The following MYO9A variants were observed in gnomAD, a reference collection of about 807,000 sequenced individuals.
MYO9A encodes myosin IXA, also known as unconventional myosin-IXa.
In MYO9A, 103 loss-of-function variants were observed where a neutral mutation model predicts 293.3. The ratio of observed to expected loss-of-function variants is 0.35; its 90% confidence interval spans 0.30 to 0.41. The LOEUF is 0.41. Among genes scored for constraint, MYO9A ranks in the 10% least tolerant of loss-of-function variants. MYO9A has a pLI of 1.00. For synonymous variants in MYO9A, 1,001 were observed against 1,035.7 expected (o/e 0.97, Z 0.64); for missense variants, 2,685 against 3,033.0 (o/e 0.89, Z 2.69).
chr15:72,081,528 C>T (rs1419767126), intron 1 of MYO9A, among the ~76,000 whole-genome samples: 1 of 152,024 alleles, frequency 6.6e-6, no homozygotes, highest in African/African-American at 2.4e-5. Flanking sequence ...GTTTCTTTTG[C>T]TGTGCAGAAG....
intron 13 of MYO9A, 128 bp downstream of exon 13, chr15:71,967,856 A>T: frequency 1.1e-6 from 1 of 894,748 alleles, no homozygotes; most frequent in South Asian, 3.5e-5. Context: ...TTTTAGTAGT[A>T]TCTTTATACA....
rs766724336 is a variant in MYO9A, at chr15:71,878,027, A to G, written c.5931+13T>C. Reference sequence around the variant, plus strand: ...ATTAAATCCTTTAAGTAATCAAAATATATCACATTTACCTTTGTGGCTGTG... The same window carrying G: ...ATTAAATCCTTTAAGTAATCAAAATGTATCACATTTACCTTTGTGGCTGTG... On this transcript the variant is annotated intron_variant, in intron 31 of 41. Coordinates refer to ENST00000356056, the MANE Select transcript of MYO9A (RefSeq NM_006901.4). 9.6e-6 allele frequency: 15 copies of G among 1,562,446 alleles called. No individual in the cohort carries two copies. In the South Asian group the frequency reaches 1.8e-4, roughly 19 times the overall value.
chr15:72,091,871 C>T (rs529294126), intron 1 of MYO9A, among the ~76,000 whole-genome samples: 3 of 152,058 alleles, frequency 2.0e-5, no homozygotes, highest in Middle Eastern at 3.4e-3. Context: ...CCCGCCACCA[C>T]GCCCAGCTAA....
At chr15:72,002,057 C>A (rs12595464) in intron 8 of MYO9A, among the ~76,000 whole-genome samples, 5 of 151,822 alleles carry the variant, frequency 3.3e-5, no homozygotes, top group African/African-American at 1.2e-4. Flanking sequence ...GAGTTAAAGA[C>A]CAGGTTGGAC....
chr15:72,070,128 CAA>C (rs936332297), intron 1 of MYO9A, among the ~76,000 whole-genome samples: 18 of 49,030 alleles, frequency 3.7e-4, no homozygotes, highest in South Asian at 7.0e-4. Context: ...GACTATGTCT[CAA>C]AAAAAAAAAA....
intron 4 of MYO9A, among the ~76,000 whole-genome samples, chr15:72,022,435 C>A (rs1301197283): frequency 1.3e-5 from 2 of 151,690 alleles, no homozygotes; most frequent in Non-Finnish European, 1.5e-5. Context: ...GCAGGAGAAT[C>A]GCTTGAACCC....
chr15:71,884,976 TA>T (rs538847474), intron 27 of MYO9A, among the ~76,000 whole-genome samples: 4,269 of 139,468 alleles, frequency 0.031, 179 homozygotes, highest in African/African-American at 0.098. Context: ...TTTTTTTTTT[TA>T]AAAAAAAGCT....
rs752138920 is a variant in MYO9A, at chr15:71,888,168, C to A, written c.5143-52G>T. 17 of 946,092 alleles carry A rather than the reference C, an allele frequency of 1.8e-5. No homozygotes were observed. In the South Asian group the frequency reaches 2.7e-4, roughly 15 times the overall value. The allele number at this position is 946,092 out of a possible 1,614,324, so 58.6% of individuals were successfully genotyped here. ...TTAATGCCAAGTAAATATATGATAG[C>A]ACTGTAATTTAAATTCAGGTTACAG... On this transcript the variant is annotated intron_variant, in intron 26 of 41. Coordinates refer to ENST00000356056, the MANE Select transcript of MYO9A (RefSeq NM_006901.4).
intron 5 of MYO9A, among the ~76,000 whole-genome samples, chr15:72,020,212 G>A (rs1458938857): frequency 6.6e-6 from 1 of 152,050 alleles, no homozygotes; most frequent in Non-Finnish European, 1.5e-5. Flanking sequence ...AAAATAAGGG[G>A]AGACATCTAT....
intron 4 of MYO9A, 40 bp from the exon 5 acceptor site, chr15:72,021,057 C>T (rs2077488123): frequency 6.9e-6 from 9 of 1,304,234 alleles, no homozygotes; most frequent in Non-Finnish European, 9.5e-6. Context: ...TAATGTGTGA[C>T]TTATGGTTAT....
chr15:71,889,619 A>G (rs1378985043), intron 26 of MYO9A: 1 of 151,774 alleles, frequency 6.6e-6, no homozygotes, highest in East Asian at 1.9e-4. Flanking sequence ...CTGTGCCCAG[A>G]TCTTACTTTC....
chr15:72,022,629 C>A (rs2077536335), intron 4 of MYO9A, among the ~76,000 whole-genome samples: 1 of 152,130 alleles, frequency 6.6e-6, no homozygotes, highest in African/African-American at 2.4e-5. Context: ...TTCACTGCAG[C>A]CTTGACCTCC....
At chr15:71,918,823 A>G (rs2058079156) in intron 18 of MYO9A, among the ~76,000 whole-genome samples, 1 of 152,252 alleles carries the variant, frequency 6.6e-6, no homozygotes, top group Non-Finnish European at 1.5e-5. Flanking sequence ...GCAAAATAAA[A>G]TAACTATTAG....
chr15:71,822,757 A>G lies in MYO9A; in HGVS notation c.*3823T>C, dbSNP rs1000346830. The G allele has an allele frequency of 2.0e-5, 3 of 152,224 alleles. No homozygotes were observed. Among genetic ancestry groups the G allele is most frequent in the Non-Finnish European group, 4.4e-5 (3 of 68,044 alleles). 9.4% of individuals were successfully genotyped at this position (152,224 alleles called of 1,614,324 possible). ...GAGGGCTGATAAATAGGCATTAAGA[A>G]TGGATGACTAGCAAGGTGACAGGCC... On this transcript the variant is annotated 3_prime_UTR_variant, in exon 42 of 42. Coordinates refer to ENST00000356056, the MANE Select transcript of MYO9A (RefSeq NM_006901.4).
At chr15:72,030,450 A>T (rs754810540) in intron 3 of MYO9A, among the ~76,000 whole-genome samples, 10 of 152,136 alleles carry the variant, frequency 6.6e-5, no homozygotes, top group Non-Finnish European at 1.5e-4. Flanking sequence ...AACCACAAAT[A>T]ATACCAAACC....
chr15:71,830,159 C>A lies in MYO9A; in HGVS notation c.6990G>T (p.Gln2330His). Residue 2330 changes from glutamine to histidine, a missense_variant, in exon 40 of 42, where the codon CAG becomes CAT. Around this residue, in one of 10 missense-constraint regions of MYO9A, gnomAD observed 350 missense variants for 328.9 expected, o/e 1.06. Transcript: ENST00000356056. ...GCTCAGTCAGTACTCTCTCCTCCTG[C>A]TGCATAGCTGCTTGCTGCTGTTCTG... ...DITEQQQAAM[Q>H]QEERVLTEQI... 1.2e-6 allele frequency: 2 copies of A among 1,614,168 alleles called. No individual in the cohort carries two copies. Among genetic ancestry groups the A allele is most frequent in the Non-Finnish European group, 1.7e-6 (2 of 1,180,008 alleles).
chr15:72,010,508 A>G, intron 6 of MYO9A, 61 bp from the exon 7 acceptor site: 2 of 1,405,796 alleles, frequency 1.4e-6, no homozygotes, highest in Non-Finnish European at 2.0e-6. Context: ...AATGTGGGCC[A>G]TTCAGAAATA....
chr15:71,848,002 A>G (rs926512474), intron 39 of MYO9A, among the ~76,000 whole-genome samples: 1 of 152,148 alleles, frequency 6.6e-6, no homozygotes, highest in African/African-American at 2.4e-5. Flanking sequence ...TGAAAGAGTA[A>G]GGGCATGATG....
chr15:72,086,641 T>TG (rs1322215675), intron 1 of MYO9A, among the ~76,000 whole-genome samples: 3 of 80,318 alleles, frequency 3.7e-5, no homozygotes, highest in Admixed American at 2.8e-4. Context: ...TGATGTGTGT[T>TG]GGGGGGGCCG....
Sources: gnomAD v4.1 joint callset for allele counts (sites outside exome capture counted in the v4.1 genomes callset) on GRCh38, gnomAD v4.1.1 for gene constraint, gnomAD v4.1.1 regional missense constraint, MANE v1.5 for transcripts, NCBI Gene and HGNC (gene_info 2026-07-23, HGNC 2026-07-21) for gene names.